Variants in STAU2 observed in about 807,000 individuals in gnomAD.
STAU2 encodes staufen double-stranded RNA binding protein 2, also known as double-stranded RNA-binding protein Staufen homolog 2.
A neutral mutation model predicts 65.9 loss-of-function variants in STAU2; 20 were observed. That is an observed-to-expected ratio of 0.30 (90% CI 0.21 to 0.44). STAU2 has a LOEUF of 0.44. Among genes scored for constraint, STAU2 ranks in the 20% least tolerant of loss-of-function variants. The pLI is 1.00. For synonymous variants in STAU2, 232 were observed against 233.9 expected (o/e 0.99, Z 0.07); for missense variants, 558 against 683.9 (o/e 0.82, Z 2.05).
rs546360025 is a variant in STAU2 at position 73,606,556 on chromosome 8, C to T, written c.892-2693G>A. 4.6e-5 allele frequency among the ~76,000 whole-genome samples: 7 copies of T among 152,288 alleles called. No individual in the cohort carries two copies. The South Asian group carries it at 1.4e-3, about 32-fold the overall frequency. On this transcript the variant is annotated intron_variant, in intron 9 of 14. Coordinates refer to ENST00000524300, the MANE Select transcript of STAU2 (RefSeq NM_001164380.2). ...AAAATGAGATATCAATACCCATCTA[C>T]ATGAACATCTGAAATTTTAAAAACT...
intron 6 of STAU2, among the ~76,000 whole-genome samples, chr8:73,639,446 C>T (rs983229753): frequency 3.9e-5 from 6 of 152,064 alleles, no homozygotes; most frequent in Middle Eastern, 6.8e-3. Context: ...GATGCTAAAA[C>T]GAAAGACATG....
chr8:73,651,437 C>T (rs1174433879), intron 6 of STAU2: 8 of 667,306 alleles, frequency 1.2e-5, no homozygotes, highest in African/African-American at 3.6e-5. Context: ...TCAAAATCGC[C>T]GCATGAAACA....
At chr8:73,667,787 G>GA (rs1817344847) in intron 6 of STAU2, among the ~76,000 whole-genome samples, 2 of 152,180 alleles carry the variant, frequency 1.3e-5, no homozygotes, top group Admixed American at 6.6e-5. Flanking sequence ...ATGACCTCAC[G>GA]AAAGTCCTTC....
At chr8:73,463,177 T>C (rs1819465317) in intron 13 of STAU2, among the ~76,000 whole-genome samples, 2 of 152,242 alleles carry the variant, frequency 1.3e-5, no homozygotes, top group African/African-American at 4.8e-5. Flanking sequence ...TGTCCAGTTT[T>C]ATCTGACTTT....
At chr8:73,720,293 T>C (rs1329610135) in intron 3 of STAU2, among the ~76,000 whole-genome samples, 2 of 139,740 alleles carry the variant, frequency 1.4e-5, no homozygotes, top group African/African-American at 5.6e-5. Context: ...ATTCAGGTTA[T>C]CCATTTTCTT....
intron 12 of STAU2, chr8:73,561,662 A>G (rs1808243911): frequency 2.5e-6 from 1 of 397,220 alleles, no homozygotes; most frequent in African/African-American, 2.1e-5. Flanking sequence ...CAAACACTGC[A>G]CCACAATACT....
intron 6 of STAU2, among the ~76,000 whole-genome samples, chr8:73,657,302 G>C (rs1816454614): frequency 6.6e-6 from 1 of 152,148 alleles, no homozygotes; most frequent in Admixed American, 6.5e-5. Context: ...AGATATTACA[G>C]TCTCAAATCA....
intron 9 of STAU2, among the ~76,000 whole-genome samples, chr8:73,612,126 A>G (rs1489493256): frequency 6.6e-6 from 1 of 152,250 alleles, no homozygotes; most frequent in Non-Finnish European, 1.5e-5. Context: ...GATTTTATAT[A>G]TTAATAGATT....
chr8:73,676,158 A>ACTC (rs1818015199), intron 5 of STAU2, among the ~76,000 whole-genome samples: 1 of 152,148 alleles, frequency 6.6e-6, no homozygotes, highest in Non-Finnish European at 1.5e-5. Context: ...AATGAACTTA[A>ACTC]CTCCTCATTA....
chr8:73,714,320 A>G (rs986690673), intron 3 of STAU2, among the ~76,000 whole-genome samples: 2 of 152,302 alleles, frequency 1.3e-5, no homozygotes, highest in South Asian at 2.1e-4. Context: ...AGAGCAAAGG[A>G]CCCTTTCATG....
intron 6 of STAU2, among the ~76,000 whole-genome samples, chr8:73,643,724 T>C (rs1337889802): frequency 2.0e-5 from 3 of 152,244 alleles, no homozygotes; most frequent in Admixed American, 6.5e-5. Context: ...GTTTGTTTTC[T>C]GTGCTACTGT....
chr8:73,518,241 T>C (rs567066792), intron 13 of STAU2, among the ~76,000 whole-genome samples: 1 of 152,354 alleles, frequency 6.6e-6, no homozygotes, highest in East Asian at 1.9e-4. Context: ...AATTGTGCTA[T>C]AAAATGGGCA....
At chr8:73,592,869 C>T (rs1418021256) in intron 11 of STAU2, among the ~76,000 whole-genome samples, 1 of 151,848 alleles carries the variant, frequency 6.6e-6, no homozygotes, top group African/African-American at 2.4e-5. Context: ...AAAAAAACAA[C>T]AAAAAAATCC....
chr8:73,671,850 A>C (rs2130401421), intron 6 of STAU2, among the ~76,000 whole-genome samples: 1 of 152,106 alleles, frequency 6.6e-6, no homozygotes, highest in East Asian at 1.9e-4. Context: ...ACATAGTGAA[A>C]CCCCATCTCT....
rs79485926 is a variant in STAU2, at chr8:73,555,695, T to C, written c.1223-3376A>G. ...TTGATGTTGTGTAATCTAGAGAAGA[T>C]TTAAGTATACTGGAATATGTGCATA... On this transcript the variant is annotated intron_variant, in intron 12 of 14. Transcript: ENST00000524300. Among the ~76,000 whole-genome samples the C allele has an allele frequency of 6.3e-3, 957 of 152,320 alleles. 4 individuals are homozygous for C. Among genetic ancestry groups the C allele is most frequent in the Non-Finnish European group, 0.01 (682 of 68,034 alleles).
At chr8:73,543,285 G>A (rs529934880) in intron 13 of STAU2, among the ~76,000 whole-genome samples, 9 of 152,260 alleles carry the variant, frequency 5.9e-5, no homozygotes, top group South Asian at 2.1e-4. Flanking sequence ...CGGCAAGGGC[G>A]GAGGCAAATC....
intron 10 of STAU2, among the ~76,000 whole-genome samples, chr8:73,597,504 TAA>T (rs869107695): frequency 3.0e-4 from 26 of 87,694 alleles, no homozygotes; most frequent in African/African-American, 9.2e-4. Context: ...AATACAAAAA[TAA>T]AAAAAAAAAA....
At chr8:73,643,514 A>G (rs2130149195) in intron 6 of STAU2, among the ~76,000 whole-genome samples, 1 of 152,322 alleles carries the variant, frequency 6.6e-6, no homozygotes, top group African/African-American at 2.4e-5. Flanking sequence ...GTTAGCCCAA[A>G]TAGTATAATA....
chr8:73,667,569 G>T (rs1013821860), intron 6 of STAU2, among the ~76,000 whole-genome samples: 7 of 152,156 alleles, frequency 4.6e-5, no homozygotes, highest in Non-Finnish European at 7.4e-5. Flanking sequence ...CTCCTGGAAG[G>T]CTTCTTTGGT....
Sources: gnomAD v4.1 joint callset for allele counts (sites outside exome capture counted in the v4.1 genomes callset) on GRCh38, gnomAD v4.1.1 for gene constraint, MANE v1.5 for transcripts, NCBI Gene and HGNC (gene_info 2026-07-23, HGNC 2026-07-21) for gene names.